LAPTM5: variants seen among roughly 807,000 people sequenced by gnomAD.
The protein encoded by LAPTM5 is lysosomal-associated transmembrane protein 5.
A neutral mutation model predicts 30.1 loss-of-function variants in LAPTM5; 11 were observed. That is an observed-to-expected ratio of 0.37 (90% CI 0.23 to 0.60). The LOEUF (loss-of-function observed/expected upper bound fraction) is 0.60. Ranked by LOEUF, LAPTM5 falls within the 20% of genes least tolerant of loss-of-function variation. The pLI, the probability that LAPTM5 is intolerant of heterozygous loss-of-function variation, is 0.71. For synonymous variants in LAPTM5, 151 were observed against 137.9 expected (o/e 1.10, Z -0.67); for missense variants, 324 against 332.5 (o/e 0.97, Z 0.20).
rs183406883 is a variant in LAPTM5 at position 30,734,945 on chromosome 1, C to T, written c.699+228G>A. On this transcript the variant is annotated intron_variant, in intron 7 of 7. Coordinates refer to ENST00000294507, the MANE Select transcript of LAPTM5 (RefSeq NM_006762.3). Reference sequence around the variant, plus strand: ...GGCATCTTAGTTTTCTCTGCGCCTCCTGGAATCGATATGAGACTAGCAAAG... The same window carrying T: ...GGCATCTTAGTTTTCTCTGCGCCTCTTGGAATCGATATGAGACTAGCAAAG... 2.5e-3 allele frequency among the ~76,000 whole-genome samples: 388 copies of T among 152,252 alleles called. 3 individuals are homozygous for T. The highest frequency in any genetic ancestry group is 9.2e-3 in the African/African-American group (384 of 41,564).
chr1:30,735,851 A>G (rs1482690012), intron 6 of LAPTM5, among the ~76,000 whole-genome samples: 1 of 152,166 alleles, frequency 6.6e-6, no homozygotes, highest in African/African-American at 2.4e-5. Flanking sequence ...CCCCTGAGTA[A>G]GAGGAGAGGG....
At chr1:30,751,863 T>A (rs763620673) in intron 1 of LAPTM5, among the ~76,000 whole-genome samples, 2 of 152,184 alleles carry the variant, frequency 1.3e-5, no homozygotes, top group Non-Finnish European at 2.9e-5. Flanking sequence ...CAGGGACCAC[T>A]GGCCCCATTT....
At position 30,732,780 on chromosome 1, in the gene LAPTM5, A is replaced by G. The variant is rs1055396927; in HGVS notation, c.*1048T>C. On this transcript the variant is annotated 3_prime_UTR_variant, in exon 8 of 8. Transcript: ENST00000294507. ...CTGAACTAACCTGTGGGTTTAGTCC[A>G]ACGAACAGATGTGCCTGATTTCAGG... is the stretch of plus-strand genomic sequence containing the variant. 1 of 152,234 alleles carries G rather than the reference A, an allele frequency of 6.6e-6. No homozygotes were observed. The highest frequency in any genetic ancestry group is 6.5e-5 in the Admixed American group (1 of 15,284). The allele number at this position is 152,234 out of a possible 1,614,324, so 9.4% of individuals were successfully genotyped here. A position where few individuals can be genotyped will look rare whatever the true frequency, so the allele number is the denominator to read the frequency against.
chr1:30,741,834 C>T (rs1639975856), intron 2 of LAPTM5, 118 bp from the exon 3 acceptor site: 1 of 641,892 alleles, frequency 1.6e-6, no homozygotes, highest in Non-Finnish European at 2.7e-6. Context: ...CAGGAAAGCC[C>T]AGGCCCTGCC....
intron 1 of LAPTM5, among the ~76,000 whole-genome samples, chr1:30,750,608 T>C (rs773820075): frequency 3.9e-5 from 6 of 152,176 alleles, no homozygotes; most frequent in Non-Finnish European, 8.8e-5. Context: ...TCTGTGCTTC[T>C]CAGAACAAGG....
chr1:30,757,714 G>A lies in LAPTM5; in HGVS notation c.32C>T (p.Thr11Ile), dbSNP rs1640232209. ...GATGCGGACATTGAAGCAGCAGCAG[G>A]TCTGGCGGACAGTGGACAAGCGGGG... is the stretch of plus-strand genomic sequence containing the variant. The part of the protein sequence containing the change: MDPRLSTVRQ[T>I]CCCFNVRIAT... Residue 11 changes from threonine to isoleucine, a missense_variant, in exon 1 of 8, where the codon ACC becomes ATC. Thr to Ile is a moderately conservative substitution (Grantham distance 89). Coordinates refer to ENST00000294507, the MANE Select transcript of LAPTM5 (RefSeq NM_006762.3). The A allele has an allele frequency of 4.3e-6, 7 of 1,613,890 alleles. No homozygotes were observed. Among genetic ancestry groups the A allele is most frequent in the Non-Finnish European group, 5.9e-6 (7 of 1,180,028 alleles).
intron 1 of LAPTM5, among the ~76,000 whole-genome samples, chr1:30,750,702 A>G (rs1169721150): frequency 6.6e-6 from 1 of 152,084 alleles, no homozygotes; most frequent in Non-Finnish European, 1.5e-5. Context: ...TGGAGCAGAC[A>G]CCTGGGCTCG....
At chr1:30,750,636 C>G (rs1640122111) in intron 1 of LAPTM5, among the ~76,000 whole-genome samples, 1 of 152,214 alleles carries the variant, frequency 6.6e-6, no homozygotes, top group South Asian at 2.1e-4. Context: ...GATGGCAGAG[C>G]TGACCCCCTC....
Position 30,738,996 on chromosome 1 carries a change from A to G in LAPTM5, c.454T>C (p.Cys152Arg). The change falls in exon 5 of 8, where the codon TGC (cysteine) becomes CGC (arginine). Residue 152 changes from cysteine to arginine, a missense_variant. Transcript: ENST00000294507. ...GTGGGCACTTCCATGTAGGAGCTGC[A>G]GAGGGTCAGGATGCTCAGGCAGAAG... ...LDFCLSILTLCSSYMEVPTYL... is the reference protein window; with the variant it reads ...LDFCLSILTLRSSYMEVPTYL... The G allele has an allele frequency of 6.2e-7, 1 of 1,608,408 alleles. No homozygotes were observed. Among genetic ancestry groups the G allele is most frequent in the Admixed American group, 1.7e-5 (1 of 59,394 alleles).
chr1:30,740,032 C>T, intron 3 of LAPTM5, 95 bp from the exon 4 acceptor site: 3 of 1,376,726 alleles, frequency 2.2e-6, no homozygotes, highest in South Asian at 1.6e-5. Flanking sequence ...TTCCCACCCT[C>T]TCCCAAACCT....
intron 3 of LAPTM5, among the ~76,000 whole-genome samples, chr1:30,740,754 C>CGCAG (rs1458794776): frequency 6.6e-6 from 1 of 152,160 alleles, no homozygotes; most frequent in African/African-American, 2.4e-5. Context: ...CCACAGCCAC[C>CGCAG]CTGCACAAGG....
At chr1:30,750,923 T>TGG (rs1640128871) in intron 1 of LAPTM5, among the ~76,000 whole-genome samples, 1 of 152,242 alleles carries the variant, frequency 6.6e-6, no homozygotes, top group South Asian at 2.1e-4. Flanking sequence ...GTGCAGCTCA[T>TGG]GGCTTTGCTT....
intron 3 of LAPTM5, 101 bp downstream of exon 3, chr1:30,741,539 A>G: frequency 1.3e-6 from 1 of 753,380 alleles, no homozygotes; most frequent in Non-Finnish European, 2.0e-6. Context: ...GGACCGCCTA[A>G]CATACCCGCC....
At chr1:30,750,899 G>A (rs1284213092) in intron 1 of LAPTM5, among the ~76,000 whole-genome samples, 1 of 152,234 alleles carries the variant, frequency 6.6e-6, no homozygotes, top group Non-Finnish European at 1.5e-5. Flanking sequence ...CAGCCCCTGT[G>A]CAGGGCTGAG....
Position 30,739,963 on chromosome 1 carries a change from A to T in LAPTM5, c.259-26T>A. 6.5e-7 allele frequency: 1 copy of T among 1,542,484 alleles called. No homozygotes were observed. The highest frequency in any genetic ancestry group is 8.8e-7 in the Non-Finnish European group (1 of 1,139,234). ...CTGAAAGGTAGGCCCAGCACCGTCA[A>T]GTGTCCCCTGCATGCAGCCAACACT... On this transcript the variant is annotated intron_variant, in intron 3 of 7. Coordinates refer to ENST00000294507, the MANE Select transcript of LAPTM5 (RefSeq NM_006762.3). The surrounding 1 kb of genome is among the most constrained non-coding windows in gnomAD (Gnocchi z 4.2).
intron 7 of LAPTM5, among the ~76,000 whole-genome samples, 199 bp from the exon 8 acceptor site, chr1:30,734,116 T>C (rs1639855105): frequency 6.6e-6 from 1 of 152,226 alleles, no homozygotes; most frequent in African/African-American, 2.4e-5. Flanking sequence ...CATATTTGCC[T>C]TTGCCTATTC....
rs1639841621 is a variant in LAPTM5 at position 30,733,443 on chromosome 1, A to G, written c.*385T>C. ...CAATGCAATAGACTGTTGTTTGACC[A>G]AATTATTTTACTGAACTGACAAGTG... On this transcript the variant is annotated 3_prime_UTR_variant, in exon 8 of 8. Transcript: ENST00000294507. 1.7e-6 allele frequency: 2 copies of G among 1,158,516 alleles called. No homozygotes were observed. Among genetic ancestry groups the G allele is most frequent in the Admixed American group, 5.9e-5 (2 of 34,026 alleles). 71.8% of individuals were successfully genotyped at this position (1,158,516 alleles called of 1,614,324 possible). A position where few individuals can be genotyped will look rare whatever the true frequency, so the allele number is the denominator to read the frequency against.
intron 1 of LAPTM5, among the ~76,000 whole-genome samples, chr1:30,749,922 G>A (rs1300010525): frequency 1.3e-5 from 2 of 152,050 alleles, no homozygotes; most frequent in Non-Finnish European, 2.9e-5. Context: ...GGTTTGGCAG[G>A]GGTGGGGCCT....
chr1:30,736,607 T>C (rs184471433), intron 6 of LAPTM5, among the ~76,000 whole-genome samples: 1 of 151,970 alleles, frequency 6.6e-6, no homozygotes. Context: ...CTTTTTTTTT[T>C]TTATGTTTTG....
Sources: gnomAD v4.1 joint callset for allele counts (sites outside exome capture counted in the v4.1 genomes callset) on GRCh38, gnomAD v4.1.1 for gene constraint, Gnocchi (gnomAD v3.1) non-coding constraint, MANE v1.5 for transcripts, NCBI Gene and HGNC (gene_info 2026-07-23, HGNC 2026-07-21) for gene names.